Variants in FAT3 observed in about 807,000 individuals in gnomAD.
The protein encoded by FAT3 is protocadherin Fat 3.
Under a neutral mutation model 310.2 loss-of-function variants are expected in FAT3, and 95 were observed. That is an observed-to-expected ratio of 0.31 (90% CI 0.26 to 0.36). The LOEUF (loss-of-function observed/expected upper bound fraction) is 0.36, where lower values mean the gene tolerates loss of function less well. FAT3 is among the 10% of genes least tolerant of loss of function. The pLI is 1.00. For missense variants in FAT3, 5,408 were observed against 5,715.6 expected (o/e 0.95, Z 1.74); for synonymous variants, 2,314 against 2,192.9 (o/e 1.06, Z -1.54).
At chr11:92,589,005 A>G (rs993987850) in intron 3 of FAT3, among the ~76,000 whole-genome samples, 4 of 152,110 alleles carry the variant, frequency 2.6e-5, no homozygotes, top group Non-Finnish European at 1.5e-5. Flanking sequence ...CTGAGGTGAG[A>G]GTACATGTTG....
chr11:92,438,692 A>G (rs569301803), intron 2 of FAT3, among the ~76,000 whole-genome samples: 1 of 152,344 alleles, frequency 6.6e-6, no homozygotes, highest in African/African-American at 2.4e-5. Flanking sequence ...GGGAAATTAC[A>G]TGCTAACTCA....
intron 4 of FAT3, among the ~76,000 whole-genome samples, chr11:92,701,695 T>C (rs1161936409): frequency 6.6e-6 from 1 of 152,224 alleles, no homozygotes; most frequent in Admixed American, 6.5e-5. Flanking sequence ...AATTCCAGCA[T>C]ACAGATGCCA....
At chr11:92,344,688 C>A (rs74887815) in intron 1 of FAT3, among the ~76,000 whole-genome samples, 2,033 of 152,268 alleles carry the variant, frequency 0.013, 38 homozygotes, top group African/African-American at 0.046. Flanking sequence ...GTTTTGCTGT[C>A]ACACCTGAAA....
intron 4 of FAT3, among the ~76,000 whole-genome samples, chr11:92,727,999 C>A (rs573462630): frequency 6.6e-6 from 1 of 152,176 alleles, no homozygotes; most frequent in Non-Finnish European, 1.5e-5. Flanking sequence ...CCAGTGGTGG[C>A]ACTCCTGTGC....
intron 13 of FAT3, among the ~76,000 whole-genome samples, chr11:92,818,995 C>T (rs1206442246): frequency 6.6e-6 from 1 of 152,224 alleles, no homozygotes; most frequent in Admixed American, 6.5e-5. Context: ...TTCAGAGCTT[C>T]TGCTCCACTT....
intron 18 of FAT3, among the ~76,000 whole-genome samples, chr11:92,843,222 G>C (rs922356304): frequency 2.6e-5 from 4 of 152,192 alleles, no homozygotes; most frequent in Admixed American, 6.5e-5. Context: ...GGTCTGCAGG[G>C]TTCACTGCAG....
intron 2 of FAT3, among the ~76,000 whole-genome samples, chr11:92,511,005 G>A (rs924268798): frequency 2.6e-5 from 4 of 152,232 alleles, no homozygotes; most frequent in African/African-American, 7.2e-5. Flanking sequence ...CCTTGCTGGC[G>A]CTTTATCTGG....
At chr11:92,683,035 GC>G (rs968335543) in intron 3 of FAT3, among the ~76,000 whole-genome samples, 5 of 137,494 alleles carry the variant, frequency 3.6e-5, no homozygotes, top group Non-Finnish European at 7.6e-5. Flanking sequence ...CTGAGATCAT[GC>G]CATTGTACTC....
At chr11:92,760,598 A>C (rs894105520) in intron 4 of FAT3, among the ~76,000 whole-genome samples, 1 of 152,226 alleles carries the variant, frequency 6.6e-6, no homozygotes, top group African/African-American at 2.4e-5. Flanking sequence ...ACCTAGCTTT[A>C]CCACTTATTA....
intron 1 of FAT3, among the ~76,000 whole-genome samples, chr11:92,234,044 C>A (rs1864306814): frequency 6.6e-6 from 1 of 152,126 alleles, no homozygotes; most frequent in Non-Finnish European, 1.5e-5. Context: ...CTATAATAAT[C>A]CAAGTGAATA....
chr11:92,720,867 C>G (rs1944840327), intron 4 of FAT3, among the ~76,000 whole-genome samples: 1 of 152,232 alleles, frequency 6.6e-6, no homozygotes, highest in East Asian at 1.9e-4. Flanking sequence ...GATATTTGAA[C>G]TCAGTGTTTT....
intron 3 of FAT3, among the ~76,000 whole-genome samples, chr11:92,536,144 G>A (rs1954251968): frequency 6.6e-6 from 1 of 152,104 alleles, no homozygotes. Context: ...TTATAAAAGT[G>A]TGTAAGTGTT....
chr11:92,352,607 T>A lies in FAT3; in HGVS notation c.495T>A (p.Val165=). 1 of 1,613,844 alleles carries A rather than the reference T, an allele frequency of 6.2e-7. No homozygotes were observed. ...RPLFSPTTYS[V]TIAESTPLRT... ...TGTTTTCACCCACAACATACTCTGT[T>A]ACCATAGCAGAAAGCACACCTCTAA... Residue 165 remains valine, a synonymous_variant, in exon 2 of 28, where the codon GTT becomes GTA. Coordinates refer to ENST00000525166, the MANE Select transcript of FAT3 (RefSeq NM_001367949.2).
At chr11:92,581,177 AG>A (rs1938777286) in intron 3 of FAT3, among the ~76,000 whole-genome samples, 1 of 151,968 alleles carries the variant, frequency 6.6e-6, no homozygotes, top group South Asian at 2.1e-4. Context: ...AGATCCTACT[AG>A]GGTTACAGAG....
intron 6 of FAT3, among the ~76,000 whole-genome samples, chr11:92,772,113 A>T (rs1714026810): frequency 1.3e-5 from 2 of 152,200 alleles, no homozygotes; most frequent in Admixed American, 1.3e-4. Context: ...TCAACATTAG[A>T]GGATGACTCC....
chr11:92,704,970 C>G (rs964114114), intron 4 of FAT3, among the ~76,000 whole-genome samples: 2 of 152,192 alleles, frequency 1.3e-5, no homozygotes, highest in Non-Finnish European at 2.9e-5. Flanking sequence ...GCTCCATATT[C>G]CAAGGGAGAA....
intron 1 of FAT3, among the ~76,000 whole-genome samples, chr11:92,282,622 C>T: frequency 6.7e-6 from 1 of 149,836 alleles, no homozygotes; most frequent in East Asian, 2.0e-4. Context: ...CAAGATCACA[C>T]CATTGCATAA....
intron 2 of FAT3, among the ~76,000 whole-genome samples, chr11:92,452,844 C>T (rs944504422): frequency 2.0e-5 from 3 of 152,118 alleles, no homozygotes; most frequent in African/African-American, 4.8e-5. Flanking sequence ...CTCACTGAAG[C>T]CTTGACCTTC....
chr11:92,820,130 C>T (rs1446032125), intron 13 of FAT3, among the ~76,000 whole-genome samples: 9 of 152,188 alleles, frequency 5.9e-5, no homozygotes, highest in Non-Finnish European at 1.3e-4. Context: ...GCTCAGACTG[C>T]CATAACGAAG....
Sources: gnomAD v4.1 joint callset for allele counts (sites outside exome capture counted in the v4.1 genomes callset) on GRCh38, gnomAD v4.1.1 for gene constraint, MANE v1.5 for transcripts, NCBI Gene and HGNC (gene_info 2026-07-23, HGNC 2026-07-21) for gene names.